SIAE: variants seen among roughly 807,000 people sequenced by gnomAD.
SIAE encodes sialate O-acetylesterase.
In SIAE, 39 loss-of-function variants were observed where a neutral mutation model predicts 52.6. That is an observed-to-expected ratio of 0.74 (90% CI 0.57 to 0.97). The LOEUF is 0.97. SIAE is among the 50% of genes least tolerant of loss of function. SIAE has a pLI of 0.00. For missense variants in SIAE, 592 were observed against 662.1 expected, an observed-to-expected ratio of 0.89 and a Z score of 1.16; for synonymous variants, 233 against 241.4, an observed-to-expected ratio of 0.97 and a Z score of 0.32.
At chr11:124,672,565 A>C (rs778867569) in intron 1 of SIAE, among the ~76,000 whole-genome samples, 2 of 152,348 alleles carry the variant, frequency 1.3e-5, no homozygotes, top group Non-Finnish European at 2.9e-5. Context: ...TGATGTAACA[A>C]TAAGACCCAA....
chr11:124,663,803 A>C (rs1943227342), intron 2 of SIAE, among the ~76,000 whole-genome samples: 1 of 152,168 alleles, frequency 6.6e-6, no homozygotes, highest in Non-Finnish European at 1.5e-5. Flanking sequence ...GAGTTTTCAG[A>C]AACAGTGTTG....
intron 2 of SIAE, among the ~76,000 whole-genome samples, chr11:124,666,729 G>A (rs966261741): frequency 1.3e-5 from 2 of 152,216 alleles, no homozygotes; most frequent in African/African-American, 4.8e-5. Context: ...AGGATGGAAT[G>A]GGGCAGTGAG....
Position 124,641,340 on chromosome 11 carries a change from T to C in SIAE, c.967-1473A>G, listed in dbSNP as rs531894731. Among the ~76,000 whole-genome samples, 6 of 152,126 alleles carry C rather than the reference T, an allele frequency of 3.9e-5. No individual in the cohort carries two copies. The East Asian group carries it at 9.7e-4, about 24-fold the overall frequency. On this transcript the variant is annotated intron_variant, in intron 7 of 9. Transcript: ENST00000263593. ...TCACACTTCACATGTTAGAAGCATGTAAGATGCAAAGGTGGGGAGGAGAAT... is the reference window on the plus strand; with the variant it reads ...TCACACTTCACATGTTAGAAGCATGCAAGATGCAAAGGTGGGGAGGAGAAT...
chr11:124,656,141 CA>C (rs1016955601), intron 3 of SIAE, among the ~76,000 whole-genome samples: 4 of 150,876 alleles, frequency 2.7e-5, no homozygotes, highest in African/African-American at 9.7e-5. Flanking sequence ...TTGCAAAATC[CA>C]AAAAAAAATC....
Position 124,633,685 on chromosome 11 carries a change from T to C in SIAE, c.*3266A>G, listed in dbSNP as rs1166709024. On this transcript the variant is annotated 3_prime_UTR_variant, in exon 10 of 10. Transcript: ENST00000263593. ...TTTATAAGTTGTATACACTTTACAA[T>C]GTAAAAGAAACAAACTTTGTATAAT... is the stretch of plus-strand genomic sequence containing the variant. 1 of 152,116 alleles carries C rather than the reference T, an allele frequency of 6.6e-6. No homozygotes were observed. Among genetic ancestry groups the C allele is most frequent in the Admixed American group, 6.5e-5 (1 of 15,284 alleles). 9.4% of individuals were successfully genotyped at this position (152,116 alleles called of 1,614,324 possible).
At chr11:124,664,833 C>T (rs188321782) in intron 2 of SIAE, among the ~76,000 whole-genome samples, 252 of 152,226 alleles carry the variant, frequency 1.7e-3, no homozygotes, top group African/African-American at 5.8e-3. Flanking sequence ...GTTCCCTTCC[C>T]GAGAAGAACA....
In SIAE at chr11:124,634,477, G is replaced by C. The variant is rs1475189687; in HGVS notation, c.*2474C>G. 10 of 152,118 alleles carry C rather than the reference G, an allele frequency of 6.6e-5. No homozygotes were observed. The highest frequency in any genetic ancestry group is 1.3e-4 in the Non-Finnish European group (9 of 68,028). 9.4% of individuals were successfully genotyped at this position (152,118 alleles called of 1,614,324 possible). A position where few individuals can be genotyped will look rare whatever the true frequency, so the allele number is the denominator to read the frequency against. ...GTGAGGGCAAAAAAAGGACTACCTT[G>C]GTGAGAATGTAAGTTGTTTAATCCT... On this transcript the variant is annotated 3_prime_UTR_variant, in exon 10 of 10. Coordinates refer to ENST00000263593, the MANE Select transcript of SIAE (RefSeq NM_170601.5).
chr11:124,649,221 A>G (rs1162271161), intron 5 of SIAE, among the ~76,000 whole-genome samples: 1 of 152,062 alleles, frequency 6.6e-6, no homozygotes, highest in Non-Finnish European at 1.5e-5. Context: ...AGTCATGCTC[A>G]TGAGCAAGTT....
chr11:124,668,251 C>T (rs993893497), intron 2 of SIAE, among the ~76,000 whole-genome samples: 1 of 152,158 alleles, frequency 6.6e-6, no homozygotes, highest in African/African-American at 2.4e-5. Context: ...CCCAGTGTGC[C>T]CTGCTCACCT....
chr11:124,665,082 A>T (rs1943254772), intron 2 of SIAE, among the ~76,000 whole-genome samples: 1 of 152,374 alleles, frequency 6.6e-6, no homozygotes, highest in Middle Eastern at 3.4e-3. Context: ...TTTTGTATCA[A>T]TAAAACTGCT....
At chr11:124,640,441 T>A (rs1942826175) in intron 7 of SIAE, among the ~76,000 whole-genome samples, 1 of 152,134 alleles carries the variant, frequency 6.6e-6, no homozygotes, top group East Asian at 1.9e-4. Context: ...AAATGAGCCA[T>A]CCCAGGTGAG....
At chr11:124,671,825 G>A (rs1463196308) in intron 1 of SIAE, among the ~76,000 whole-genome samples, 6 of 151,998 alleles carry the variant, frequency 3.9e-5, no homozygotes, top group Admixed American at 2.0e-4. Flanking sequence ...GCAGTGGTGC[G>A]ATCTCAGCTC....
intron 8 of SIAE, among the ~76,000 whole-genome samples, chr11:124,639,106 T>G (rs1942800796): frequency 6.6e-6 from 1 of 152,182 alleles, no homozygotes; most frequent in African/African-American, 2.4e-5. Flanking sequence ...GATTCATTAT[T>G]TGGTCCCCTA....
chr11:124,654,339 G>A (rs1053511705), intron 4 of SIAE: 2 of 985,318 alleles, frequency 2.0e-6, no homozygotes, highest in African/African-American at 3.5e-5. Flanking sequence ...CAGAGACAAG[G>A]GAAGAAAGAA....
intron 2 of SIAE, among the ~76,000 whole-genome samples, chr11:124,664,945 A>G (rs1241120688): frequency 1.4e-5 from 2 of 147,344 alleles, no homozygotes; most frequent in South Asian, 2.2e-4. Flanking sequence ...GGTTTGTGGA[A>G]CTGGCTTGGA....
intron 3 of SIAE, 107 bp from the exon 4 acceptor site, chr11:124,654,900 A>G (rs1943073872): frequency 7.5e-7 from 1 of 1,337,854 alleles, no homozygotes; most frequent in Non-Finnish European, 1.1e-6. Context: ...ATATACTGAG[A>G]TCAAATTAAT....
At chr11:124,663,487 T>C (rs1253057420) in intron 2 of SIAE, among the ~76,000 whole-genome samples, 1 of 152,150 alleles carries the variant, frequency 6.6e-6, no homozygotes, top group Non-Finnish European at 1.5e-5. Context: ...GGCAGGAGTA[T>C]GGTGTGAACC....
intron 4 of SIAE, among the ~76,000 whole-genome samples, chr11:124,651,425 T>C (rs1292363101): frequency 6.6e-6 from 1 of 151,850 alleles, no homozygotes; most frequent in African/African-American, 2.4e-5. Flanking sequence ...GCGCACACCT[T>C]TAATCCCAGC....
At chr11:124,652,523 C>T (rs529886752) in intron 4 of SIAE, among the ~76,000 whole-genome samples, 3 of 151,886 alleles carry the variant, frequency 2.0e-5, no homozygotes, top group Admixed American at 6.6e-5. Flanking sequence ...AGTGAAACCC[C>T]GTCTCTACTA....
Sources: gnomAD v4.1 joint callset for allele counts (sites outside exome capture counted in the v4.1 genomes callset) on GRCh38, gnomAD v4.1.1 for gene constraint, MANE v1.5 for transcripts, NCBI Gene and HGNC (gene_info 2026-07-23, HGNC 2026-07-21) for gene names.